The following NBPF14 variants were observed in gnomAD, a reference collection of about 807,000 sequenced individuals.
NBPF14 encodes the protein NBPF member 14, also known as NBPF family member NBPF14.
In NBPF14, 104 loss-of-function variants were observed where a neutral mutation model predicts 91.2. That is an observed-to-expected ratio of 1.14 (90% CI 0.97 to 1.34). The LOEUF (loss-of-function observed/expected upper bound fraction) is 1.34, where lower values mean the gene tolerates loss of function less well. NBPF14 is among the 40% of genes most tolerant of loss of function. The pLI is 0.00. For missense variants in NBPF14, 908 were observed against 783.0 expected (o/e 1.16, Z -1.91); for synonymous variants, 294 against 303.8 (o/e 0.97, Z 0.34).
At chr1:148,534,690 C>T (rs1347398943) in exon 69 of NBPF14, 22 of 817,170 alleles carry the variant, frequency 2.7e-5, no homozygotes, top group Admixed American at 1.2e-4. Context: ...TCACTGTCCA[C>T]GTCAAGAGCC....
chr1:148,534,471 G>C (rs1254407308), intron 69 of NBPF14, among the ~76,000 whole-genome samples: 1 of 151,730 alleles, frequency 6.6e-6, no homozygotes, highest in Non-Finnish European at 1.5e-5. Flanking sequence ...CCACAGGTAT[G>C]GCCTGAGACT....
intron 16 of NBPF14, among the ~76,000 whole-genome samples, 167 bp downstream of exon 16, chr1:148,576,243 A>T (rs1199707099): frequency 2.4e-5 from 3 of 124,410 alleles, no homozygotes; most frequent in Admixed American, 7.5e-5. Context: ...AAGGGGAGGA[A>T]GAAATGGAAA....
At chr1:148,592,648 G>T (rs1662698823) in exon 4 of NBPF14, 10 of 1,588,412 alleles carry the variant, frequency 6.3e-6, no homozygotes, top group East Asian at 4.5e-5. Context: ...GGCTCATACG[G>T]AGTGAGGAGG....
chr1:148,566,573 G>C lies in NBPF14; in HGVS notation c.3543-258C>G, dbSNP rs1409896457. Among the ~76,000 whole-genome samples the C allele has an allele frequency of 1.4e-5, 2 of 143,528 alleles. 1 individual carries two copies. Among genetic ancestry groups the C allele is most frequent in the Non-Finnish European group, 3.1e-5 (2 of 64,078 alleles). 94.2% of individuals were successfully genotyped at this position (143,528 alleles called of 152,430 possible). On this transcript the variant is annotated intron_variant, in intron 28 of 70. Transcript: ENST00000619423. ...CACACACACACAGAGAACGAGCTCAGTGAATTGTCCAGGTGACACACTGAT... is the reference window on the plus strand; with the variant it reads ...CACACACACACAGAGAACGAGCTCACTGAATTGTCCAGGTGACACACTGAT...
intron 36 of NBPF14, among the ~76,000 whole-genome samples, chr1:148,560,287 C>G (rs1370413094): frequency 5.7e-5 from 8 of 140,466 alleles, no homozygotes; most frequent in African/African-American, 1.8e-4. Context: ...ACACAGCAAA[C>G]TGTGATCATG....
rs1451941842 is a variant in NBPF14, at chr1:148,594,888, G to C, written c.175+655C>G. On this transcript the variant is annotated intron_variant, in intron 2 of 70. Transcript: ENST00000619423. The stretch of plus-strand genomic sequence containing the variant: ...ACTTTTTGTATTTTTAGTGGAGATG[G>C]GGTTTCTCCATGTTGCCCAGGCTAG... Among the ~76,000 whole-genome samples, 864 of 95,864 alleles carry C rather than the reference G, an allele frequency of 9.0e-3. 135 individuals are homozygous for C. The highest frequency in any genetic ancestry group is 0.064 in the Admixed American group (712 of 11,042). The allele number at this position is 95,864 out of a possible 152,430, so 62.9% of individuals were successfully genotyped here.
intron 3 of NBPF14, among the ~76,000 whole-genome samples, chr1:148,593,084 C>T (rs1419574877): frequency 6.8e-6 from 1 of 147,052 alleles, no homozygotes; most frequent in African/African-American, 2.5e-5. Context: ...TGGACATTTC[C>T]ATGTGAAAAT....
At chr1:148,579,296 A>T in intron 12 of NBPF14, 59 bp from the exon 13 acceptor site, 1 of 226,438 alleles carries the variant, frequency 4.4e-6, no homozygotes, top group South Asian at 2.7e-5. Flanking sequence ...ATTAGACAAC[A>T]AAACCTCCCA....
At chr1:148,534,904 C>T in intron 68 of NBPF14, 48 bp from the exon 69 acceptor site, 1 of 717,492 alleles carries the variant, frequency 1.4e-6, no homozygotes, top group South Asian at 1.5e-5. Flanking sequence ...GAATCAGAAA[C>T]CACACAGCCC....
Position 148,572,338 on chromosome 1 carries a change from C to T in NBPF14, c.2758+105G>A, listed in dbSNP as rs1659225340. 47 of 280,838 alleles carry T rather than the reference C, an allele frequency of 1.7e-4. 3 individuals carry two copies. Among genetic ancestry groups the T allele is most frequent in the Admixed American group, 9.8e-4 (15 of 15,296 alleles). The allele number at this position is 280,838 out of a possible 1,614,324, so 17.4% of individuals were successfully genotyped here. On this transcript the variant is annotated intron_variant, in intron 21 of 70. Transcript: ENST00000619423. ...TATATGCGCCCATAGGTCCTGCCTG[C>T]GGCAATGACGTCTCTCGGGTCAGTA...
intron 6 of NBPF14, among the ~76,000 whole-genome samples, chr1:148,590,079 C>T (rs1310525755): frequency 4.3e-5 from 5 of 115,532 alleles, no homozygotes; most frequent in Non-Finnish European, 8.7e-5. Context: ...GATGGAGTCT[C>T]GCTCTGTCTC....
At chr1:148,557,184 C>A (rs1656759913) in intron 40 of NBPF14, among the ~76,000 whole-genome samples, 1 of 91,014 alleles carries the variant, frequency 1.1e-5, no homozygotes, top group East Asian at 3.9e-4. Context: ...GGACACACAG[C>A]ATACAGGGAT....
Position 148,580,828 on chromosome 1 carries a change from C to T in NBPF14, c.1638-1591G>A, listed in dbSNP as rs1660790872. ...TTTTTTTTCCATATGTATAGTTTTCCTTTATTATTTTTTGTGTGTATGTAT... is the reference window on the plus strand; with the variant it reads ...TTTTTTTTCCATATGTATAGTTTTCTTTTATTATTTTTTGTGTGTATGTAT... On this transcript the variant is annotated intron_variant, in intron 12 of 70. Transcript: ENST00000619423. Among the ~76,000 whole-genome samples the T allele has an allele frequency of 1.8e-5, 2 of 109,032 alleles. 1 individual carries two copies. The highest frequency in any genetic ancestry group is 7.3e-5 in the African/African-American group (2 of 27,362). The allele number at this position is 109,032 out of a possible 152,430, so 71.5% of individuals were successfully genotyped here. A position where few individuals can be genotyped will look rare whatever the true frequency, so the allele number is the denominator to read the frequency against.
intron 16 of NBPF14, 112 bp from the exon 17 acceptor site, chr1:148,575,923 T>G: frequency 2.6e-6 from 1 of 389,756 alleles, no homozygotes; most frequent in South Asian, 2.1e-5. Context: ...AAAGGACAGA[T>G]CCATTAATGA....
intron 64 of NBPF14, among the ~76,000 whole-genome samples, chr1:148,538,287 C>T (rs1655371591): frequency 1.3e-4 from 7 of 52,520 alleles, no homozygotes; most frequent in Non-Finnish European, 2.6e-4. Flanking sequence ...GTCCAGGTGA[C>T]ACACTGATGA....
chr1:148,572,477 C>A (rs1278727359), exon 21 of NBPF14: 1 of 554,642 alleles, frequency 1.8e-6, no homozygotes, highest in Non-Finnish European at 3.1e-6. Context: ...GGTACTGTTC[C>A]TCCAATGAGT....
At chr1:148,572,543 A>G in exon 21 of NBPF14, 1 of 652,134 alleles carries the variant, frequency 1.5e-6, no homozygotes. Context: ...AACCTGAAGG[A>G]GTCGAATAAC....
In NBPF14 at chr1:148,557,633, G is replaced by A. The variant is rs1332659429; in HGVS notation, c.4955-91C>T. ...GTCTAATCCCCACACAGGGATCTCA[G>A]GCTCCTCAGCATGAGAACAGGACCA... On this transcript the variant is annotated intron_variant, in intron 39 of 70. Coordinates refer to ENST00000619423, the Ensembl canonical transcript of NBPF14. 8 of 579,130 alleles carry A rather than the reference G, an allele frequency of 1.4e-5. 1 individual carries two copies. The highest frequency in any genetic ancestry group is 1.3e-4 in the South Asian group (7 of 52,578). The allele number at this position is 579,130 out of a possible 1,614,324, so 35.9% of individuals were successfully genotyped here. A position where few individuals can be genotyped will look rare whatever the true frequency, so the allele number is the denominator to read the frequency against.
At chr1:148,560,131 G>T (rs1260822219) in intron 36 of NBPF14, among the ~76,000 whole-genome samples, 166 bp from the exon 37 acceptor site, 3 of 150,912 alleles carry the variant, frequency 2.0e-5, no homozygotes, top group East Asian at 3.9e-4. Flanking sequence ...ACAGGGCCAG[G>T]TAGAAAACAA....
Sources: allele counts gnomAD v4.1 joint callset (sites outside exome capture counted in the v4.1 genomes callset), GRCh38; gene constraint gnomAD v4.1.1; transcripts MANE v1.5; gene names NCBI Gene and HGNC (gene_info 2026-07-23, HGNC 2026-07-21).